Variants in NCOA1 observed in about 807,000 individuals in gnomAD.
The protein encoded by NCOA1 is nuclear receptor coactivator 1, also known as Hin-2 protein.
NCOA1 carries 35 observed loss-of-function variants against 150.9 expected under a neutral mutation model. That is an observed-to-expected ratio of 0.23 (90% CI 0.18 to 0.31). The LOEUF (loss-of-function observed/expected upper bound fraction) is 0.31. NCOA1 is among the 10% of genes least tolerant of loss of function. The pLI is 1.00. For missense variants in NCOA1, 1,491 were observed against 1,749.3 expected (o/e 0.85, Z 2.63); for synonymous variants, 590 against 630.0 (o/e 0.94, Z 0.95).
chr2:24,724,181 G>C (rs11682130), intron 14 of NCOA1, among the ~76,000 whole-genome samples: 1 of 151,816 alleles, frequency 6.6e-6, no homozygotes, highest in African/African-American at 2.4e-5. Flanking sequence ...CCTTTGCAAA[G>C]ATGATAACGA....
At chr2:24,634,236 T>G (rs1476100418) in intron 3 of NCOA1, among the ~76,000 whole-genome samples, 1 of 152,172 alleles carries the variant, frequency 6.6e-6, no homozygotes, top group African/African-American at 2.4e-5. Context: ...AGGGTAGGCT[T>G]GAGTATGGGG....
At chr2:24,497,604 G>A (rs1165587048) in intron 1 of NCOA1, among the ~76,000 whole-genome samples, 1 of 152,072 alleles carries the variant, frequency 6.6e-6, no homozygotes, top group East Asian at 1.9e-4. Context: ...CCAGGGAGGC[G>A]GAGGTTGCAG....
chr2:24,768,281 G>A lies in NCOA1; in HGVS notation c.4216G>A (p.Asp1406Asn). The change falls in exon 23 of 23, where the codon GAC becomes AAC. Residue 1406 changes from aspartate (D) to asparagine (N), a missense_variant. Transcript: ENST00000348332. ...VQCTVNLVGGDPYLNQPGPLG... is the reference protein window; with the variant it reads ...VQCTVNLVGGNPYLNQPGPLG... The stretch of plus-strand genomic sequence containing the variant: ...GTGTACAGTGAATCTGGTAGGCGGG[G>A]ACCCTTACCTGAACCAGCCTGGTCC... The A allele has an allele frequency of 2.5e-6, 4 of 1,613,542 alleles. No individual in the cohort carries two copies. Among genetic ancestry groups the A allele is most frequent in the Middle Eastern group, 1.7e-4 (1 of 6,034 alleles).
rs555973022 is a variant in NCOA1 at position 24,770,669 on chromosome 2, T to C, written c.*2278T>C. On this transcript the variant is annotated 3_prime_UTR_variant, in exon 23 of 23. Coordinates refer to ENST00000348332, the MANE Select transcript of NCOA1 (RefSeq NM_003743.5). ...TGCCAAAGCCCAAATTAACGAGTAT[T>C]ATAAAAGGATAATAAAGCATCCCTG... The C allele has an allele frequency of 1.0e-5, 2 of 190,944 alleles. No homozygotes were observed. Among genetic ancestry groups the C allele is most frequent in the Admixed American group, 1.2e-4 (2 of 16,300 alleles). 11.8% of individuals were successfully genotyped at this position (190,944 alleles called of 1,614,324 possible). A position where few individuals can be genotyped will look rare whatever the true frequency, so the allele number is the denominator to read the frequency against.
intron 7 of NCOA1, 26 bp downstream of exon 7, chr2:24,673,489 G>C (rs776504820): frequency 6.7e-7 from 1 of 1,497,062 alleles, no homozygotes; most frequent in Non-Finnish European, 9.1e-7. Context: ...GACTCAGAAA[G>C]TGATTAAAAT....
chr2:24,678,820 C>T (rs1263929580), intron 7 of NCOA1, among the ~76,000 whole-genome samples: 1 of 152,062 alleles, frequency 6.6e-6, no homozygotes, highest in East Asian at 1.9e-4. Flanking sequence ...AAAATTTTAT[C>T]CCATTCTTTA....
chr2:24,703,274 T>A lies in NCOA1; in HGVS notation c.950-1812T>A, dbSNP rs1037680158. Among the ~76,000 whole-genome samples the A allele has an allele frequency of 5.3e-5, 8 of 152,346 alleles. No individual in the cohort carries two copies. The South Asian group carries it at 1.7e-3, about 32-fold the overall frequency. On this transcript the variant is annotated intron_variant, in intron 11 of 22. Coordinates refer to ENST00000348332, the MANE Select transcript of NCOA1 (RefSeq NM_003743.5). ...CTCTTTTCATTGATTTATGCTGCCT[T>A]CCTTTGACCTCTTCATCTGAACAAT...
At chr2:24,527,288 T>A (rs552239331) in intron 1 of NCOA1, among the ~76,000 whole-genome samples, 1 of 152,318 alleles carries the variant, frequency 6.6e-6, no homozygotes, top group East Asian at 1.9e-4. Context: ...TATCTGCTAC[T>A]TTGTATCTTT....
rs765883005 is a variant in NCOA1 at position 24,769,067 on chromosome 2, A to G, written c.*676A>G. 9.3e-6 allele frequency: 2 copies of G among 214,490 alleles called. No homozygotes were observed. The highest frequency in any genetic ancestry group is 2.3e-5 in the African/African-American group (1 of 44,358). 13.3% of individuals were successfully genotyped at this position (214,490 alleles called of 1,614,324 possible). On this transcript the variant is annotated 3_prime_UTR_variant, in exon 23 of 23. Transcript: ENST00000348332. ...ATCCAAAAAATACAGTTTGGGGGAA[A>G]ATGCAATAATTTTTGATGAGATGGG...
intron 1 of NCOA1, among the ~76,000 whole-genome samples, chr2:24,563,999 C>G (rs1666395072): frequency 6.6e-6 from 1 of 152,140 alleles, no homozygotes; most frequent in Non-Finnish European, 1.5e-5. Flanking sequence ...TCAGCAACTC[C>G]CCTGGAATAC....
At chr2:24,681,505 A>G (rs952143238) in intron 7 of NCOA1, among the ~76,000 whole-genome samples, 16 of 152,236 alleles carry the variant, frequency 1.1e-4, no homozygotes, top group African/African-American at 3.9e-4. Flanking sequence ...CATTTTCAGT[A>G]TCACGTCATT....
intron 1 of NCOA1, among the ~76,000 whole-genome samples, chr2:24,553,067 G>C (rs978918074): frequency 6.6e-6 from 1 of 152,124 alleles, no homozygotes; most frequent in Non-Finnish European, 1.5e-5. Context: ...TTCATGTCTC[G>C]TTCGTCATCT....
intron 19 of NCOA1, among the ~76,000 whole-genome samples, chr2:24,745,022 A>C (rs1398365879): frequency 6.6e-6 from 1 of 152,230 alleles, no homozygotes; most frequent in Non-Finnish European, 1.5e-5. Flanking sequence ...AAGTAAATGA[A>C]GGAACATGAA....
intron 19 of NCOA1, 124 bp from the exon 20 acceptor site, chr2:24,751,858 C>G (rs1664258236): frequency 2.1e-6 from 2 of 951,922 alleles, no homozygotes; most frequent in Non-Finnish European, 3.0e-6. Context: ...TTGCCTGACA[C>G]AAGACAAGGC....
chr2:24,491,390 G>A lies in NCOA1; in HGVS notation c.-608G>A, dbSNP rs1279753839. Among the ~76,000 whole-genome samples, 2 of 145,148 alleles carry A rather than the reference G, an allele frequency of 1.4e-5. No individual in the cohort carries two copies. The highest frequency in any genetic ancestry group is 2.1e-4 in the South Asian group (1 of 4,754). On this transcript the variant is annotated 5_prime_UTR_variant, in exon 1 of 23. Transcript: ENST00000348332. ...TCCGACGGCTGCCTCGCGGCCTTGA[G>A]GGCCTCCGCCGCCTGTTCGCTGCTG...
At chr2:24,694,121 G>A (rs1672791989) in intron 10 of NCOA1, among the ~76,000 whole-genome samples, 1 of 152,192 alleles carries the variant, frequency 6.6e-6, no homozygotes, top group Admixed American at 6.5e-5. Flanking sequence ...AAGGAGGGCA[G>A]GAGAGCCTCA....
At chr2:24,703,471 C>T (rs1673263925) in intron 11 of NCOA1, among the ~76,000 whole-genome samples, 1 of 152,118 alleles carries the variant, frequency 6.6e-6, no homozygotes, top group African/African-American at 2.4e-5. Flanking sequence ...AATTTCAAAA[C>T]ATAAAGTGTG....
chr2:24,674,123 A>ATGTATGTGTGTG (rs374312742), intron 7 of NCOA1, among the ~76,000 whole-genome samples: 2 of 145,502 alleles, frequency 1.4e-5, no homozygotes, highest in Non-Finnish European at 3.0e-5. Context: ...ATATGTATGT[A>ATGTATGTGTGTG]TGTGTGTGTG....
intron 19 of NCOA1, among the ~76,000 whole-genome samples, chr2:24,749,539 G>GA (rs1259035772): frequency 6.6e-6 from 1 of 152,200 alleles, no homozygotes; most frequent in Admixed American, 6.5e-5. Flanking sequence ...AGCCAGAGTA[G>GA]AAAACCTCAT....
Sources: allele counts gnomAD v4.1 joint callset (sites outside exome capture counted in the v4.1 genomes callset), GRCh38; gene constraint gnomAD v4.1.1; transcripts MANE v1.5; gene names NCBI Gene and HGNC (gene_info 2026-07-23, HGNC 2026-07-21).